NEDD4: variants seen among roughly 807,000 people sequenced by gnomAD.
The protein encoded by NEDD4 is NEDD4 E3 ubiquitin protein ligase.
In NEDD4, 99 loss-of-function variants were observed where a neutral mutation model predicts 144.9. That is an observed-to-expected ratio of 0.68 (90% CI 0.58 to 0.81). The LOEUF is 0.81. NEDD4 is among the 30% of genes least tolerant of loss of function. NEDD4 has a pLI of 0.00. For missense variants in NEDD4, 985 were observed against 1,065.9 expected, an observed-to-expected ratio of 0.92 and a Z score of 1.06; for synonymous variants, 318 against 350.6, an observed-to-expected ratio of 0.91 and a Z score of 1.04.
chr15:55,833,074 T>C lies in NEDD4; in HGVS notation c.2461A>G (p.Ile821Val). 3.7e-6 allele frequency: 6 copies of C among 1,613,372 alleles called. No homozygotes were observed. Among genetic ancestry groups the C allele is most frequent in the Non-Finnish European group, 5.1e-6 (6 of 1,179,726 alleles). ...AVLMMDSEKR[I>V]RLLQFVTGTS... ...CCAGTGACAAACTGAAGTAATCTTA[T>C]TCTTTTTTCTGAATCCATCATTAAA... is the stretch of plus-strand genomic sequence containing the variant. The change falls in exon 27 of 29, where the codon ATA (isoleucine) becomes GTA (valine). Residue 821 changes from isoleucine to valine, a missense_variant. Transcript: ENST00000435532.
chr15:55,967,008 T>A (rs62045216), intron 1 of NEDD4, among the ~76,000 whole-genome samples: 11,223 of 152,162 alleles, frequency 0.074, 477 homozygotes, highest in Admixed American at 0.11. Flanking sequence ...TGCCTCAACC[T>A]CCTGAGTAGC....
intron 4 of NEDD4, among the ~76,000 whole-genome samples, chr15:55,937,640 C>A (rs2036918632): frequency 6.6e-6 from 1 of 152,054 alleles, no homozygotes; most frequent in Admixed American, 6.6e-5. Context: ...GAGTCCTAAT[C>A]CTGATTTGTC....
intron 4 of NEDD4, among the ~76,000 whole-genome samples, chr15:55,948,170 G>A (rs1467340771): frequency 6.6e-6 from 1 of 152,144 alleles, no homozygotes; most frequent in African/African-American, 2.4e-5. Flanking sequence ...GACAAACAGA[G>A]AGCCAAATCA....
chr15:55,925,742 T>C (rs2036649647), intron 4 of NEDD4, among the ~76,000 whole-genome samples: 1 of 152,190 alleles, frequency 6.6e-6, no homozygotes, highest in Admixed American at 6.5e-5. Context: ...TGTCTACTTT[T>C]CCCTCTGAGA....
At chr15:55,849,477 G>A (rs975815418) in intron 14 of NEDD4, among the ~76,000 whole-genome samples, 1 of 151,926 alleles carries the variant, frequency 6.6e-6, no homozygotes, top group African/African-American at 2.4e-5. Context: ...CACCCGCCTT[G>A]GCCTCCCAAA....
intron 5 of NEDD4, among the ~76,000 whole-genome samples, chr15:55,904,668 C>A (rs2036028021): frequency 6.6e-6 from 1 of 152,158 alleles, no homozygotes; most frequent in Non-Finnish European, 1.5e-5. Context: ...CATATTTGCA[C>A]TTCAATGTAT....
At chr15:55,843,870 C>T (rs544265419) in intron 18 of NEDD4, among the ~76,000 whole-genome samples, 6 of 151,424 alleles carry the variant, frequency 4.0e-5, no homozygotes, top group South Asian at 4.2e-4. Context: ...GTAGGGCCAA[C>T]GATGGGGAAT....
At chr15:55,932,838 C>T (rs1382612202) in intron 4 of NEDD4, among the ~76,000 whole-genome samples, 1 of 152,072 alleles carries the variant, frequency 6.6e-6, no homozygotes, top group Non-Finnish European at 1.5e-5. Context: ...AAAAATCAAA[C>T]AACTCCATCA....
chr15:55,952,779 G>C (rs140918430), intron 2 of NEDD4: 2 of 151,958 alleles, frequency 1.3e-5, no homozygotes, highest in African/African-American at 4.8e-5. Flanking sequence ...CTTTTTCTTT[G>C]ATCTAGGTTT....
Position 55,923,659 on chromosome 15 carries a change from A to ATATAT in NEDD4, c.291+986_291+987insATATA, listed in dbSNP as rs1555404568. On this transcript the variant is annotated intron_variant, in intron 5 of 28. Coordinates refer to ENST00000435532, the MANE Select transcript of NEDD4 (RefSeq NM_006154.4). ...AGACTCCATCTCAAAAAAAAAAAAA[A>ATATAT]ATATATATATATATAGCAAGTCAGT... is the stretch of plus-strand genomic sequence containing the variant. 3.2e-3 allele frequency among the ~76,000 whole-genome samples: 431 copies of ATATAT among 135,274 alleles called. 2 individuals carry two copies. Among genetic ancestry groups the ATATAT allele is most frequent in the East Asian group, 0.02 (93 of 4,570 alleles). The allele number at this position is 135,274 out of a possible 152,430, so 88.7% of individuals were successfully genotyped here.
intron 4 of NEDD4, among the ~76,000 whole-genome samples, chr15:55,938,787 G>A (rs2142268362): frequency 6.6e-6 from 1 of 151,636 alleles, no homozygotes; most frequent in East Asian, 1.9e-4. Flanking sequence ...AAAAAAACAA[G>A]CATCAACAAC....
intron 5 of NEDD4, among the ~76,000 whole-genome samples, chr15:55,899,388 T>C (rs2035839737): frequency 6.6e-6 from 1 of 152,254 alleles, no homozygotes; most frequent in Admixed American, 6.5e-5. Flanking sequence ...TTAGCTGATC[T>C]ATAAACAGTT....
At chr15:55,838,292 G>A (rs2033308461) in intron 22 of NEDD4, 112 bp from the exon 23 acceptor site, 4 of 802,622 alleles carry the variant, frequency 5.0e-6, no homozygotes, top group Non-Finnish European at 7.9e-6. Flanking sequence ...CCAGTCAAAA[G>A]TTAAAAACTA....
intron 5 of NEDD4, chr15:55,916,656 G>A: frequency 6.2e-7 from 1 of 1,614,018 alleles, no homozygotes; most frequent in Non-Finnish European, 8.5e-7. Context: ...TATTAACGGA[G>A]CTAGTGCAGT....
rs374400257 is a variant in NEDD4, at chr15:55,848,819, A to C, written c.1415T>G (p.Leu472Arg). 5.0e-6 allele frequency: 8 copies of C among 1,613,552 alleles called. No homozygotes were observed. The African/African-American group carries it at 1.1e-4, about 21-fold the overall frequency. ...CTATACACTTACAGGTAAAGGCCCTAGATCATTGGAAGTATCAAGTGATGT... is the reference window on the plus strand; with the variant it reads ...CTATACACTTACAGGTAAAGGCCCTCGATCATTGGAAGTATCAAGTGATGT... ...GKTSLDTSND[L>R]GPLPPGWEER... The change falls in exon 15 of 29, where the codon CTA becomes CGA. Residue 472 changes from leucine (L) to arginine (R), a missense_variant. Leu to Arg is a moderately radical substitution (Grantham distance 102, BLOSUM62 -2). Coordinates refer to ENST00000435532, the MANE Select transcript of NEDD4 (RefSeq NM_006154.4).
chr15:55,951,638 C>G, intron 2 of NEDD4, 49 bp from the exon 3 acceptor site: 1 of 1,342,882 alleles, frequency 7.4e-7, no homozygotes, highest in South Asian at 1.7e-5. Context: ...TTATTGCTTA[C>G]CCCAAGCTCA....
intron 5 of NEDD4, among the ~76,000 whole-genome samples, chr15:55,906,693 A>G (rs1225453011): frequency 7.2e-5 from 11 of 152,194 alleles, no homozygotes; most frequent in Admixed American, 4.6e-4. Flanking sequence ...ATGACGAGTT[A>G]ATGGGTGCAG....
intron 24 of NEDD4, 126 bp downstream of exon 24, chr15:55,837,663 T>G (rs2033274983): frequency 1.8e-6 from 1 of 563,130 alleles, no homozygotes; most frequent in African/African-American, 1.9e-5. Flanking sequence ...TATAAAAATA[T>G]AATTTAGAAT....
intron 27 of NEDD4, among the ~76,000 whole-genome samples, chr15:55,831,575 T>G (rs1241157165): frequency 6.6e-6 from 1 of 152,122 alleles, no homozygotes; most frequent in Non-Finnish European, 1.5e-5. Flanking sequence ...CAAGTCCAAT[T>G]AGGCAAAGAA....
Sources: allele counts gnomAD v4.1 joint callset (sites outside exome capture counted in the v4.1 genomes callset), GRCh38; gene constraint gnomAD v4.1.1; transcripts MANE v1.5; gene names NCBI Gene and HGNC (gene_info 2026-07-23, HGNC 2026-07-21).